PCSK5: variants seen among roughly 807,000 people sequenced by gnomAD.
PCSK5 encodes the protein prohormone convertase 5.
A neutral mutation model predicts 233.2 loss-of-function variants in PCSK5; 129 were observed. That is an observed-to-expected ratio of 0.55 (90% CI 0.48 to 0.64). The LOEUF is 0.64. Among genes scored for constraint, PCSK5 ranks in the 30% least tolerant of loss-of-function variants. The pLI, the probability that PCSK5 is intolerant of heterozygous loss-of-function variation, is 0.00. For missense variants in PCSK5, 2,076 were observed against 2,430.1 expected (o/e 0.85, Z 3.06); for synonymous variants, 825 against 879.2 (o/e 0.94, Z 1.09).
intron 7 of PCSK5, among the ~76,000 whole-genome samples, chr9:76,087,527 T>C (rs1422029011): frequency 6.6e-6 from 1 of 152,226 alleles, no homozygotes; most frequent in Admixed American, 6.5e-5. Flanking sequence ...ATGAACAATA[T>C]CATGACTAAA....
chr9:76,132,760 T>C (rs1822810791), intron 9 of PCSK5, among the ~76,000 whole-genome samples: 1 of 152,056 alleles, frequency 6.6e-6, no homozygotes, highest in Admixed American at 6.6e-5. Flanking sequence ...ATAAAGCAGA[T>C]ACTAGCATCC....
At chr9:76,227,202 T>C (rs901902344) in intron 20 of PCSK5, among the ~76,000 whole-genome samples, 3 of 152,212 alleles carry the variant, frequency 2.0e-5, no homozygotes, top group African/African-American at 7.2e-5. Flanking sequence ...AGGGGTCTGG[T>C]GGGAAGCCCC....
intron 27 of PCSK5, among the ~76,000 whole-genome samples, chr9:76,299,659 G>A (rs1056576560): frequency 6.6e-6 from 1 of 152,102 alleles, no homozygotes; most frequent in African/African-American, 2.4e-5. Flanking sequence ...GCAACAGAGA[G>A]ACTCCATCTA....
intron 20 of PCSK5, among the ~76,000 whole-genome samples, chr9:76,219,752 C>T (rs369004554): frequency 6.6e-6 from 1 of 152,232 alleles, no homozygotes; most frequent in Non-Finnish European, 1.5e-5. Flanking sequence ...CCCCCTTTCT[C>T]CCGGCCCTCA....
chr9:76,174,160 T>C (rs1443788855), intron 13 of PCSK5, among the ~76,000 whole-genome samples: 1 of 152,140 alleles, frequency 6.6e-6, no homozygotes, highest in East Asian at 1.9e-4. Flanking sequence ...TAATCAAATG[T>C]TTAATGGCTA....
chr9:76,061,251 AT>A (rs779624835), intron 5 of PCSK5, among the ~76,000 whole-genome samples: 28 of 152,182 alleles, frequency 1.8e-4, no homozygotes, highest in Non-Finnish European at 3.5e-4. Context: ...TTTATTAACA[AT>A]TTTCACAAAC....
At chr9:76,289,557 G>A (rs1828215943) in intron 24 of PCSK5, among the ~76,000 whole-genome samples, 1 of 133,640 alleles carries the variant, frequency 7.5e-6, no homozygotes, top group African/African-American at 3.0e-5. Context: ...CTAGAAGCCA[G>A]GAAAATTCAT....
At chr9:76,179,013 T>G (rs1384903808) in intron 14 of PCSK5, among the ~76,000 whole-genome samples, 1 of 152,194 alleles carries the variant, frequency 6.6e-6, no homozygotes, top group Non-Finnish European at 1.5e-5. Flanking sequence ...TTTTCTTTTG[T>G]TGAATTGCCC....
intron 2 of PCSK5, among the ~76,000 whole-genome samples, chr9:75,955,987 G>T (rs1825077930): frequency 6.6e-6 from 1 of 152,136 alleles, no homozygotes; most frequent in Non-Finnish European, 1.5e-5. Flanking sequence ...GACCCTAAGA[G>T]ATTAAGTAAC....
intron 5 of PCSK5, among the ~76,000 whole-genome samples, chr9:76,031,203 A>G (rs1305157007): frequency 2.0e-5 from 3 of 152,194 alleles, no homozygotes; most frequent in East Asian, 1.9e-4. Flanking sequence ...CAATGGATCT[A>G]TCTTTAAGCA....
intron 37 of PCSK5, 72 bp from the exon 38 acceptor site, chr9:76,358,441 A>C (rs2131536417): frequency 1.7e-6 from 2 of 1,194,078 alleles, no homozygotes. Flanking sequence ...TTACCTCAGA[A>C]ACTAATTTTC....
chr9:76,308,617 C>G (rs1828774291), intron 28 of PCSK5, 28 bp from the exon 29 acceptor site: 13 of 1,345,586 alleles, frequency 9.7e-6, no homozygotes, highest in Middle Eastern at 1.8e-4. Flanking sequence ...CAAGGAGAAG[C>G]CTGAACTGTT....
chr9:76,102,211 GT>G (rs1382086355), intron 8 of PCSK5, among the ~76,000 whole-genome samples: 1 of 152,074 alleles, frequency 6.6e-6, no homozygotes, highest in East Asian at 1.9e-4. Flanking sequence ...CTATTTTACA[GT>G]TTGATATCTT....
Position 76,235,302 on chromosome 9 carries a change from CAAA to C in PCSK5, c.2866+1713_2866+1715del, listed in dbSNP as rs781224164. Among the ~76,000 whole-genome samples the C allele has an allele frequency of 5.6e-5, 7 of 125,134 alleles. 1 individual carries two copies. In the East Asian group the frequency reaches 2.3e-3, roughly 41 times the overall value. The allele number at this position is 125,134 out of a possible 152,430, so 82.1% of individuals were successfully genotyped here. On this transcript the variant is annotated intron_variant, in intron 22 of 37. Transcript: ENST00000674117. ...TCTTTATGCCTCTTCTTATTTGCAA[CAAA>C]AAAAAAGAAGAAGAAGAAGAAGAGA...
chr9:75,991,384 C>T (rs1398319775), intron 3 of PCSK5, among the ~76,000 whole-genome samples: 3 of 152,226 alleles, frequency 2.0e-5, no homozygotes, highest in Admixed American at 6.5e-5. Flanking sequence ...ACTTCCCTAC[C>T]GTATTTAATT....
chr9:76,146,644 G>A (rs1823454242), intron 10 of PCSK5, among the ~76,000 whole-genome samples: 1 of 151,946 alleles, frequency 6.6e-6, no homozygotes, highest in Non-Finnish European at 1.5e-5. Context: ...TTATGTAGAT[G>A]ATTTCCTCAT....
In PCSK5 at chr9:76,075,911, T is replaced by C. The variant is rs1003261441; in HGVS notation, c.894+4013T>C. ...GTGAAAAAGACGTCTGCATCTTCTA[T>C]GTAATACATAAAAGTTCCTACATTC... On this transcript the variant is annotated intron_variant, in intron 7 of 37. Transcript: ENST00000674117. Among the ~76,000 whole-genome samples, 6 of 152,188 alleles carry C rather than the reference T, an allele frequency of 3.9e-5. No individual in the cohort carries two copies. The East Asian group carries it at 1.2e-3, about 29-fold the overall frequency.
intron 2 of PCSK5, among the ~76,000 whole-genome samples, chr9:75,984,295 A>C (rs145637488): frequency 0.011 from 1,612 of 151,980 alleles, 23 homozygotes; most frequent in Middle Eastern, 0.048. Context: ...ACTGTTATCC[A>C]CTCCCACCCC....
intron 12 of PCSK5, among the ~76,000 whole-genome samples, chr9:76,160,922 C>T (rs193144713): frequency 7.9e-5 from 12 of 152,080 alleles, no homozygotes; most frequent in African/African-American, 2.9e-4. Flanking sequence ...TACAGGCACA[C>T]GCCACCACAG....
Sources: allele counts gnomAD v4.1 joint callset (sites outside exome capture counted in the v4.1 genomes callset), GRCh38; gene constraint gnomAD v4.1.1; transcripts MANE v1.5; gene names NCBI Gene and HGNC (gene_info 2026-07-23, HGNC 2026-07-21).